Variants in LSAMP observed in about 807,000 individuals in gnomAD.
LSAMP encodes limbic system-associated membrane protein.
Under a neutral mutation model 38.6 loss-of-function variants are expected in LSAMP, and 7 were observed. The observed-to-expected ratio is 0.18, with a 90% CI of 0.10 to 0.34. The LOEUF is 0.34. Among genes scored for constraint, LSAMP ranks in the 10% least tolerant of loss-of-function variants. The pLI, the probability that LSAMP is intolerant of heterozygous loss-of-function variation, is 1.00. For missense variants in LSAMP, 313 were observed against 420.0 expected, an observed-to-expected ratio of 0.75 and a Z score of 2.23; for synonymous variants, 154 against 166.8, an observed-to-expected ratio of 0.92 and a Z score of 0.59.
At chr3:116,247,258 C>T (rs2046616598) in intron 1 of LSAMP, among the ~76,000 whole-genome samples, 1 of 152,148 alleles carries the variant, frequency 6.6e-6, no homozygotes, top group South Asian at 2.1e-4. Flanking sequence ...GTGCTGGTTT[C>T]TGCTTATCCA....
intron 3 of LSAMP, among the ~76,000 whole-genome samples, chr3:115,866,302 C>A (rs755714962): frequency 1.6e-4 from 25 of 152,044 alleles, no homozygotes; most frequent in Non-Finnish European, 2.5e-4. Context: ...CCTGGAACTC[C>A]AAAAAAGCCT....
At chr3:116,049,980 T>C (rs1941362896) in intron 2 of LSAMP, among the ~76,000 whole-genome samples, 1 of 152,174 alleles carries the variant, frequency 6.6e-6, no homozygotes. Context: ...ATACCCTCCA[T>C]TTACACAGAG....
intron 1 of LSAMP, among the ~76,000 whole-genome samples, chr3:116,114,287 G>A (rs936545823): frequency 6.6e-6 from 1 of 152,090 alleles, no homozygotes; most frequent in Admixed American, 6.6e-5. Context: ...TGGTGCCTTC[G>A]GTTTTTCACA....
At chr3:116,397,404 C>T (rs532786120) in intron 1 of LSAMP, among the ~76,000 whole-genome samples, 2 of 148,698 alleles carry the variant, frequency 1.3e-5, no homozygotes, top group Non-Finnish European at 3.0e-5. Flanking sequence ...CCCACACACA[C>T]ATACACACAC....
intron 1 of LSAMP, among the ~76,000 whole-genome samples, chr3:116,442,321 C>T (rs2049446696): frequency 6.6e-6 from 1 of 152,044 alleles, no homozygotes; most frequent in African/African-American, 2.4e-5. Flanking sequence ...CACAAACTCA[C>T]TAAGAGAATT....
intron 1 of LSAMP, among the ~76,000 whole-genome samples, chr3:116,404,803 T>C (rs1269119238): frequency 6.6e-6 from 1 of 152,172 alleles, no homozygotes; most frequent in Non-Finnish European, 1.5e-5. Context: ...AGGAGAAATA[T>C]GGCTCATATT....
intron 1 of LSAMP, among the ~76,000 whole-genome samples, chr3:116,262,990 TAAAGC>T (rs141840811): frequency 0.017 from 2,520 of 152,320 alleles, 62 homozygotes; most frequent in African/African-American, 0.056. Flanking sequence ...TTTCGGCTCT[TAAAGC>T]AAAGCTTTTA....
chr3:116,247,803 G>C (rs1358696566), intron 1 of LSAMP, among the ~76,000 whole-genome samples: 1 of 152,142 alleles, frequency 6.6e-6, no homozygotes, highest in Non-Finnish European at 1.5e-5. Flanking sequence ...TAAACATAAA[G>C]TGAAAATAGG....
chr3:116,218,031 G>C (rs2046241101), intron 1 of LSAMP, among the ~76,000 whole-genome samples: 1 of 152,152 alleles, frequency 6.6e-6, no homozygotes. Context: ...AGTTGCTACT[G>C]AGCAGTCTGT....
intron 1 of LSAMP, among the ~76,000 whole-genome samples, chr3:116,195,376 C>A (rs1710858886): frequency 6.6e-6 from 1 of 152,008 alleles, no homozygotes; most frequent in African/African-American, 2.4e-5. Flanking sequence ...TTCAGGCTTT[C>A]TATTATTAAA....
chr3:116,320,357 G>A (rs749101118), intron 1 of LSAMP, among the ~76,000 whole-genome samples: 3 of 152,118 alleles, frequency 2.0e-5, no homozygotes, highest in Non-Finnish European at 2.9e-5. Context: ...AGGTTGCAGC[G>A]AGCTGAGATC....
chr3:116,051,842 G>C (rs1460608595), intron 2 of LSAMP, among the ~76,000 whole-genome samples: 16 of 152,094 alleles, frequency 1.1e-4, no homozygotes, highest in Non-Finnish European at 1.5e-5. Context: ...TGGGGAGGGG[G>C]TGATTTAATT....
chr3:115,823,169 G>A (rs1170277064), intron 6 of LSAMP, among the ~76,000 whole-genome samples: 1 of 152,238 alleles, frequency 6.6e-6, no homozygotes, highest in Non-Finnish European at 1.5e-5. Context: ...CCAACTTGGA[G>A]AGAGAACATA....
In LSAMP at chr3:116,149,191, A is replaced by G. The variant is rs531966361; in HGVS notation, c.156-62635T>C. 2.3e-3 allele frequency among the ~76,000 whole-genome samples: 356 copies of G among 152,110 alleles called. 2 individuals carry two copies. The highest frequency in any genetic ancestry group is 0.014 in the Middle Eastern group (4 of 294). ...CTCATGCCCTCAATGTGCAGACTCC[A>G]GGAGACCCTGCAGTATAGTTAGATT... On this transcript the variant is annotated intron_variant, in intron 1 of 6. Transcript: ENST00000490035.
At chr3:116,316,026 A>G (rs910754299) in intron 1 of LSAMP, among the ~76,000 whole-genome samples, 1 of 152,244 alleles carries the variant, frequency 6.6e-6, no homozygotes, top group African/African-American at 2.4e-5. Flanking sequence ...TTGAATAGTT[A>G]GAGAAGGTCA....
intron 1 of LSAMP, among the ~76,000 whole-genome samples, chr3:116,443,898 G>T (rs544837970): frequency 6.6e-6 from 1 of 152,268 alleles, no homozygotes; most frequent in East Asian, 1.9e-4. Flanking sequence ...GAAGAGAAAA[G>T]AGAAGCACAA....
rs75665625 is a variant in LSAMP, at chr3:115,852,356, T to C, written c.649+127A>G. On this transcript the variant is annotated intron_variant, in intron 4 of 6. Coordinates refer to ENST00000490035, the MANE Select transcript of LSAMP (RefSeq NM_002338.5). Reference sequence around the variant, plus strand: ...CTTGGATGTGTTCAATGTATAAATGTGCATTCCTGGCCAGAGGAGCATCTG... The same window carrying C: ...CTTGGATGTGTTCAATGTATAAATGCGCATTCCTGGCCAGAGGAGCATCTG... 1,417 of 1,115,034 alleles carry C rather than the reference T, an allele frequency of 1.3e-3. 8 individuals carry two copies. In the African/African-American group the frequency reaches 0.015, roughly 12 times the overall value. 69.1% of individuals were successfully genotyped at this position (1,115,034 alleles called of 1,614,324 possible).
intron 1 of LSAMP, among the ~76,000 whole-genome samples, chr3:116,128,017 G>A (rs546236620): frequency 6.6e-6 from 1 of 152,094 alleles, no homozygotes; most frequent in South Asian, 2.1e-4. Context: ...TAGGTGATTG[G>A]GACCCTTGGA....
chr3:116,238,441 A>G (rs1264480709), intron 1 of LSAMP, among the ~76,000 whole-genome samples: 1 of 152,214 alleles, frequency 6.6e-6, no homozygotes, highest in African/African-American at 2.4e-5. Flanking sequence ...TGTGATCCAC[A>G]CAAATACCCA....
Sources: gnomAD v4.1 joint callset for allele counts (sites outside exome capture counted in the v4.1 genomes callset) on GRCh38, gnomAD v4.1.1 for gene constraint, MANE v1.5 for transcripts, NCBI Gene and HGNC (gene_info 2026-07-23, HGNC 2026-07-21) for gene names.